ADGRL3: variants seen among roughly 807,000 people sequenced by gnomAD.
ADGRL3 encodes the protein calcium-independent alpha-latrotoxin receptor 3.
ADGRL3 carries 62 observed loss-of-function variants against 153.5 expected under a neutral mutation model. The observed-to-expected ratio is 0.40, with a 90% CI of 0.33 to 0.50. ADGRL3 has a LOEUF of 0.50. Among genes scored for constraint, ADGRL3 ranks in the 20% least tolerant of loss-of-function variants. The pLI, the probability that ADGRL3 is intolerant of heterozygous loss-of-function variation, is 0.47. For synonymous variants in ADGRL3, 710 were observed against 672.5 expected (o/e 1.06, Z -0.86); for missense variants, 1,641 against 1,859.4 (o/e 0.88, Z 2.16).
At chr4:62,067,340 GT>G (rs957572226) in intron 25 of ADGRL3, among the ~76,000 whole-genome samples, 1 of 151,802 alleles carries the variant, frequency 6.6e-6, no homozygotes, top group South Asian at 2.1e-4. Context: ...AAAATAAGAG[GT>G]TTTTTTCCTT....
At chr4:61,811,988 G>A (rs540053011) in intron 8 of ADGRL3, among the ~76,000 whole-genome samples, 99 of 152,090 alleles carry the variant, frequency 6.5e-4, no homozygotes, top group African/African-American at 2.3e-3. Flanking sequence ...TATTACATAC[G>A]ATATTACGAT....
chr4:61,532,078 A>T (rs2098621356), intron 4 of ADGRL3, among the ~76,000 whole-genome samples: 2 of 152,190 alleles, frequency 1.3e-5, no homozygotes, highest in African/African-American at 4.8e-5. Context: ...GAAATATTTG[A>T]TAGAATTGGT....
chr4:61,356,231 A>G (rs1347342008), intron 1 of ADGRL3, among the ~76,000 whole-genome samples: 1 of 152,066 alleles, frequency 6.6e-6, no homozygotes, highest in East Asian at 1.9e-4. Flanking sequence ...TGTCTAGGTA[A>G]GGTTATAGAT....
chr4:61,287,308 A>G (rs2093975448), intron 1 of ADGRL3, among the ~76,000 whole-genome samples: 1 of 151,896 alleles, frequency 6.6e-6, no homozygotes, highest in Admixed American at 6.6e-5. Flanking sequence ...TATCGCCTGC[A>G]AGAGTAAAAA....
chr4:61,802,064 G>T (rs1039885823), intron 8 of ADGRL3, among the ~76,000 whole-genome samples: 1 of 152,054 alleles, frequency 6.6e-6, no homozygotes, highest in African/African-American at 2.4e-5. Flanking sequence ...TCATATGCTA[G>T]CCCTCTGAAT....
intron 1 of ADGRL3, among the ~76,000 whole-genome samples, chr4:61,309,836 T>TG (rs961837708): frequency 2.0e-5 from 3 of 151,952 alleles, no homozygotes; most frequent in African/African-American, 7.2e-5. Context: ...TTTTTACCAG[T>TG]GGGGGGTTTT....
chr4:61,360,211 A>G (rs1303108290), intron 1 of ADGRL3, among the ~76,000 whole-genome samples: 1 of 152,204 alleles, frequency 6.6e-6, no homozygotes, highest in Non-Finnish European at 1.5e-5. Context: ...AGAGCTAGAA[A>G]ATTTCATGCT....
chr4:61,977,335 C>T (rs764418554), intron 17 of ADGRL3, among the ~76,000 whole-genome samples: 28 of 151,386 alleles, frequency 1.8e-4, no homozygotes, highest in Non-Finnish European at 3.4e-4. Context: ...GATTCTCAAT[C>T]GCAGCATCTT....
intron 8 of ADGRL3, among the ~76,000 whole-genome samples, chr4:61,795,787 A>G (rs916623962): frequency 6.6e-6 from 1 of 152,128 alleles, no homozygotes; most frequent in Non-Finnish European, 1.5e-5. Context: ...TGCATCAACC[A>G]TGTTGGCAAA....
intron 5 of ADGRL3, among the ~76,000 whole-genome samples, chr4:61,626,462 A>C (rs939663838): frequency 6.6e-6 from 1 of 152,000 alleles, no homozygotes; most frequent in Non-Finnish European, 1.5e-5. Context: ...ATATCCTATT[A>C]GTACTGTCTA....
chr4:61,608,890 A>G (rs2099042893), intron 5 of ADGRL3, among the ~76,000 whole-genome samples: 1 of 152,218 alleles, frequency 6.6e-6, no homozygotes, highest in Admixed American at 6.5e-5. Context: ...AAACAAGCTT[A>G]TAATCTTCTT....
At chr4:62,048,227 C>T (rs971040057) in intron 25 of ADGRL3, among the ~76,000 whole-genome samples, 2 of 151,694 alleles carry the variant, frequency 1.3e-5, no homozygotes, top group Non-Finnish European at 2.9e-5. Flanking sequence ...TTATCTTGAG[C>T]TGTTTATCTA....
At chr4:61,369,000 G>A (rs1274593604) in intron 1 of ADGRL3, among the ~76,000 whole-genome samples, 2 of 152,132 alleles carry the variant, frequency 1.3e-5, no homozygotes, top group African/African-American at 4.8e-5. Context: ...AATTGTGAAT[G>A]GGAGTTCACT....
chr4:62,038,452 T>C (rs1464134079), intron 24 of ADGRL3, among the ~76,000 whole-genome samples: 1 of 152,114 alleles, frequency 6.6e-6, no homozygotes, highest in African/African-American at 2.4e-5. Context: ...TTAGGTAAAC[T>C]GTGTGCCATT....
At chr4:61,322,037 T>C (rs2095366959) in intron 1 of ADGRL3, among the ~76,000 whole-genome samples, 1 of 152,144 alleles carries the variant, frequency 6.6e-6, no homozygotes. Flanking sequence ...AGAAAAAGGT[T>C]TATTGGACTT....
rs781487875 is a variant in ADGRL3, at chr4:61,201,466, A to C, written c.-539A>C. The C allele has an allele frequency of 1.3e-5, 2 of 152,144 alleles. No homozygotes were observed. The highest frequency in any genetic ancestry group is 2.9e-5 in the Non-Finnish European group (2 of 68,042). The allele number at this position is 152,144 out of a possible 1,614,324, so 9.4% of individuals were successfully genotyped here. A position where few individuals can be genotyped will look rare whatever the true frequency, so the allele number is the denominator to read the frequency against. ...TTGCCCCCTTGGGGTGTGTGAAGCG[A>C]GGAACGTAAAGGAAGGCGAACATTT... On this transcript the variant is annotated 5_prime_UTR_variant, in exon 1 of 27. Coordinates refer to ENST00000683033, the MANE Select transcript of ADGRL3 (RefSeq NM_001387552.1).
rs1747672494 is a variant in ADGRL3 at position 62,077,952 on chromosome 4, C to T, written c.*7044C>T. On this transcript the variant is annotated 3_prime_UTR_variant, in exon 27 of 27. Coordinates refer to ENST00000683033, the MANE Select transcript of ADGRL3 (RefSeq NM_001387552.1). ...AGGTTGATTTGCCTTCATTTAATTC[C>T]TGCAAATGCATTGGAAGTGGATGGA... 6.6e-6 allele frequency: 1 copy of T among 151,910 alleles called. No homozygotes were observed. Among genetic ancestry groups the T allele is most frequent in the African/African-American group, 2.4e-5 (1 of 41,404 alleles). The allele number at this position is 151,910 out of a possible 1,614,324, so 9.4% of individuals were successfully genotyped here.
intron 21 of ADGRL3, among the ~76,000 whole-genome samples, chr4:62,019,391 A>G (rs1383137110): frequency 6.6e-6 from 1 of 152,120 alleles, no homozygotes; most frequent in Non-Finnish European, 1.5e-5. Context: ...ATCATCAGAG[A>G]GTAAACTCCA....
intron 19 of ADGRL3, among the ~76,000 whole-genome samples, chr4:61,991,147 T>C (rs910119864): frequency 3.3e-5 from 5 of 151,994 alleles, no homozygotes; most frequent in African/African-American, 4.8e-5. Context: ...ATTATTTGGC[T>C]GATACAAATA....
Sources: allele counts gnomAD v4.1 joint callset (sites outside exome capture counted in the v4.1 genomes callset), GRCh38; gene constraint gnomAD v4.1.1; transcripts MANE v1.5; gene names NCBI Gene and HGNC (gene_info 2026-07-23, HGNC 2026-07-21).